ZNF804B: variants seen among roughly 807,000 people sequenced by gnomAD.
The protein encoded by ZNF804B is zinc finger protein 804B.
ZNF804B carries 80 observed loss-of-function variants against 101.4 expected under a neutral mutation model. The ratio of observed to expected loss-of-function variants is 0.79; its 90% CI spans 0.66 to 0.95. The LOEUF is 0.95. ZNF804B is among the 40% of genes least tolerant of loss of function. The pLI, the probability that ZNF804B is intolerant of heterozygous loss-of-function variation, is 0.00. For synonymous variants in ZNF804B, 622 were observed against 558.8 expected (o/e 1.11, Z -1.59); for missense variants, 1,673 against 1,561.9 (o/e 1.07, Z -1.20).
intron 1 of ZNF804B, among the ~76,000 whole-genome samples, chr7:89,191,536 C>T (rs1322248212): frequency 2.6e-5 from 4 of 152,062 alleles, no homozygotes; most frequent in African/African-American, 9.7e-5. Flanking sequence ...TTCTGAATAA[C>T]TCATCAACTT....
rs1373265473 is a variant in ZNF804B, at chr7:89,333,459, A to T, written c.477A>T (p.Val159=). Reference sequence around the variant, plus strand: ...TCCCCATTAAGAATGGCAGAAAGGTATCATGCATGAAGAGTGCTCTTCTCC... The same window carrying T: ...TCCCCATTAAGAATGGCAGAAAGGTTTCATGCATGAAGAGTGCTCTTCTCC... ...GIFPIKNGRK[V]SCMKSALLLK... Residue 159 remains valine, a synonymous_variant, in exon 4 of 4, where the codon GTA becomes GTT. Coordinates refer to ENST00000333190, the MANE Select transcript of ZNF804B (RefSeq NM_181646.5). 1.2e-5 allele frequency: 20 copies of T among 1,613,060 alleles called. No homozygotes were observed. Among genetic ancestry groups the T allele is most frequent in the Non-Finnish European group, 1.6e-5 (19 of 1,179,464 alleles).
intron 1 of ZNF804B, among the ~76,000 whole-genome samples, chr7:88,783,807 A>C (rs1790262604): frequency 6.6e-6 from 1 of 152,156 alleles, no homozygotes; most frequent in African/African-American, 2.4e-5. Context: ...ACATAGTAGG[A>C]AATGGGAACA....
At chr7:88,942,052 G>T (rs1793062159) in intron 1 of ZNF804B, among the ~76,000 whole-genome samples, 3 of 151,852 alleles carry the variant, frequency 2.0e-5, no homozygotes, top group Admixed American at 6.6e-5. Context: ...CAGAAATTCA[G>T]TTTCCCACTT....
At chr7:89,027,114 T>G (rs2116225205) in intron 1 of ZNF804B, among the ~76,000 whole-genome samples, 1 of 152,054 alleles carries the variant, frequency 6.6e-6, no homozygotes, top group African/African-American at 2.4e-5. Flanking sequence ...AGAGAGAGTT[T>G]AGAATAATAG....
In ZNF804B at chr7:89,120,675, TTAAAAA is replaced by T. The variant is rs779198636; in HGVS notation, c.109-97478_109-97473del. ...TCCGCCTCAAAAAAAAAAAAAAAAATTAAAAATCCAAAAATCTACTTTTAGTCGTCA... is the reference window on the plus strand; with the variant it reads ...TCCGCCTCAAAAAAAAAAAAAAAAATTCCAAAAATCTACTTTTAGTCGTCA... On this transcript the variant is annotated intron_variant, in intron 1 of 3. Transcript: ENST00000333190. 2.9e-3 allele frequency among the ~76,000 whole-genome samples: 308 copies of T among 104,582 alleles called. 2 individuals are homozygous for T. Among genetic ancestry groups the T allele is most frequent in the Middle Eastern group, 5.0e-3 (1 of 200 alleles). 68.6% of individuals were successfully genotyped at this position (104,582 alleles called of 152,430 possible).
intron 1 of ZNF804B, among the ~76,000 whole-genome samples, chr7:89,014,723 T>A (rs192072905): frequency 1.6e-4 from 24 of 152,364 alleles, no homozygotes; most frequent in African/African-American, 5.0e-4. Context: ...GCTGTTGAGA[T>A]GTTTGATATC....
chr7:89,147,575 C>T (rs1790810028), intron 1 of ZNF804B, among the ~76,000 whole-genome samples: 1 of 151,896 alleles, frequency 6.6e-6, no homozygotes, highest in Non-Finnish European at 1.5e-5. Flanking sequence ...GTCCCCATGC[C>T]CTGGGCTGCT....
At chr7:89,293,386 T>C (rs1467869378) in intron 2 of ZNF804B, among the ~76,000 whole-genome samples, 1 of 152,160 alleles carries the variant, frequency 6.6e-6, no homozygotes, top group Non-Finnish European at 1.5e-5. Flanking sequence ...TATACAATTG[T>C]TATTTGTCCC....
intron 1 of ZNF804B, among the ~76,000 whole-genome samples, chr7:89,212,290 A>AC (rs1491050529): frequency 0.16 from 15,392 of 96,962 alleles, 875 homozygotes; most frequent in Non-Finnish European, 0.17. Flanking sequence ...CACACACACA[A>AC]ACAGACTGCA....
intron 3 of ZNF804B, among the ~76,000 whole-genome samples, chr7:89,329,453 A>G (rs1790944858): frequency 6.6e-6 from 1 of 151,764 alleles, no homozygotes; most frequent in Non-Finnish European, 1.5e-5. Context: ...CTTCTCCTGG[A>G]CAATCTTTTC....
chr7:89,107,564 A>T (rs1176270790), intron 1 of ZNF804B, among the ~76,000 whole-genome samples: 1 of 152,174 alleles, frequency 6.6e-6, no homozygotes, highest in East Asian at 1.9e-4. Context: ...GACAGAAATT[A>T]TAAACTCATT....
At chr7:88,956,192 T>C (rs2116079686) in intron 1 of ZNF804B, among the ~76,000 whole-genome samples, 1 of 151,640 alleles carries the variant, frequency 6.6e-6, no homozygotes, top group East Asian at 2.0e-4. Context: ...CTCAAAAAAC[T>C]AAAAATGGAA....
chr7:88,793,791 A>C (rs1297771414), intron 1 of ZNF804B, among the ~76,000 whole-genome samples: 4 of 151,980 alleles, frequency 2.6e-5, no homozygotes, highest in African/African-American at 9.7e-5. Flanking sequence ...TCGATTTTGT[A>C]CCCTCAGAAC....
chr7:88,878,942 G>A (rs186375743), intron 1 of ZNF804B, among the ~76,000 whole-genome samples: 86 of 152,066 alleles, frequency 5.7e-4, no homozygotes, highest in Non-Finnish European at 9.6e-4. Context: ...TTATGCTTCC[G>A]CTCCTCTAGT....
At chr7:89,063,648 A>T (rs1384184603) in intron 1 of ZNF804B, among the ~76,000 whole-genome samples, 2 of 152,178 alleles carry the variant, frequency 1.3e-5, no homozygotes, top group Non-Finnish European at 2.9e-5. Context: ...ATGTGAAGAA[A>T]GAGGAAGACC....
At chr7:89,047,908 C>T (rs1789136280) in intron 1 of ZNF804B, among the ~76,000 whole-genome samples, 1 of 151,188 alleles carries the variant, frequency 6.6e-6, no homozygotes, top group Admixed American at 6.6e-5. Flanking sequence ...TTTTTTTTCC[C>T]CCTTTGGATA....
chr7:88,873,928 G>T (rs1583989747), intron 1 of ZNF804B, among the ~76,000 whole-genome samples: 1 of 152,082 alleles, frequency 6.6e-6, no homozygotes, highest in Admixed American at 6.5e-5. Context: ...TGTCCTTTTG[G>T]CTTAGGATTG....
chr7:88,897,861 A>G (rs1465738216), intron 1 of ZNF804B, among the ~76,000 whole-genome samples: 1 of 151,662 alleles, frequency 6.6e-6, no homozygotes, highest in Non-Finnish European at 1.5e-5. Flanking sequence ...TGGGGGAAGA[A>G]TAGTACTTTT....
intron 1 of ZNF804B, among the ~76,000 whole-genome samples, chr7:89,088,098 A>G (rs1313913886): frequency 6.6e-6 from 1 of 152,018 alleles, no homozygotes. Context: ...AGTTTCTAAC[A>G]GAAAGAACCA....
Sources: allele counts gnomAD v4.1 joint callset (sites outside exome capture counted in the v4.1 genomes callset), GRCh38; gene constraint gnomAD v4.1.1; transcripts MANE v1.5; gene names NCBI Gene and HGNC (gene_info 2026-07-23, HGNC 2026-07-21).